Variants in GAS2 observed in about 807,000 individuals in gnomAD.
The protein encoded by GAS2 is growth arrest-specific protein 2.
In GAS2, 20 loss-of-function variants were observed where a neutral mutation model predicts 37.5. That is an observed-to-expected ratio of 0.53 (90% CI 0.37 to 0.77). GAS2 has a LOEUF of 0.77. GAS2 is among the 30% of genes least tolerant of loss of function. The pLI is 0.00. For missense variants in GAS2, 336 were observed against 373.4 expected, an observed-to-expected ratio of 0.90 and a Z score of 0.82; for synonymous variants, 144 against 132.2, an observed-to-expected ratio of 1.09 and a Z score of -0.61.
chr11:22,743,020 C>T (rs989937545), intron 5 of GAS2, among the ~76,000 whole-genome samples: 3 of 152,070 alleles, frequency 2.0e-5, no homozygotes, highest in Admixed American at 2.0e-4. Flanking sequence ...GACCATTAAA[C>T]ATAACCAAAT....
chr11:22,763,899 G>A (rs1311803459), intron 7 of GAS2, among the ~76,000 whole-genome samples: 3 of 152,074 alleles, frequency 2.0e-5, no homozygotes, highest in Non-Finnish European at 1.5e-5. Flanking sequence ...GGAAATGCAA[G>A]CAATAACATT....
chr11:22,805,115 A>C (rs1564896727), intron 7 of GAS2, among the ~76,000 whole-genome samples: 1 of 152,004 alleles, frequency 6.6e-6, no homozygotes, highest in African/African-American at 2.4e-5. Flanking sequence ...TAGATCGGTC[A>C]CATACCAGAA....
At chr11:22,756,566 T>A (rs1854054890) in intron 7 of GAS2, among the ~76,000 whole-genome samples, 1 of 152,108 alleles carries the variant, frequency 6.6e-6, no homozygotes, top group Admixed American at 6.6e-5. Flanking sequence ...TCTGTTGAAA[T>A]TTTGCCCTTG....
intron 3 of GAS2, among the ~76,000 whole-genome samples, chr11:22,702,970 A>G (rs1850922918): frequency 6.6e-6 from 1 of 152,154 alleles, no homozygotes; most frequent in South Asian, 2.1e-4. Context: ...ACCATAATAT[A>G]TTGTTTGGTA....
At chr11:22,796,080 C>T (rs1434762385) in intron 7 of GAS2, among the ~76,000 whole-genome samples, 1 of 152,146 alleles carries the variant, frequency 6.6e-6, no homozygotes, top group Non-Finnish European at 1.5e-5. Context: ...TTCTCTCCAT[C>T]CTCTGGCTGA....
intron 3 of GAS2, among the ~76,000 whole-genome samples, chr11:22,689,074 C>T (rs977328310): frequency 6.6e-6 from 1 of 152,080 alleles, no homozygotes; most frequent in Non-Finnish European, 1.5e-5. Context: ...GGGAGCTAAA[C>T]ACTGAGTACA....
intron 7 of GAS2, among the ~76,000 whole-genome samples, chr11:22,784,576 T>C (rs1855735810): frequency 6.6e-6 from 1 of 152,168 alleles, no homozygotes; most frequent in South Asian, 2.1e-4. Flanking sequence ...ATAATAGTCA[T>C]TGCTCACAAT....
At chr11:22,685,640 T>C (rs1445841854) in intron 2 of GAS2, 28 bp from the exon 3 acceptor site, 2 of 1,603,068 alleles carry the variant, frequency 1.2e-6, no homozygotes, top group Non-Finnish European at 1.7e-6. Flanking sequence ...TGATTTTCCT[T>C]TTATAATGCT....
At chr11:22,761,404 T>A (rs1854386099) in intron 7 of GAS2, among the ~76,000 whole-genome samples, 1 of 152,162 alleles carries the variant, frequency 6.6e-6, no homozygotes, top group South Asian at 2.1e-4. Flanking sequence ...GTTCTGATAA[T>A]AAAAATTTCT....
At position 22,684,560 on chromosome 11, in the gene GAS2, A is replaced by G. The variant is rs1251522434; in HGVS notation, c.146-1108A>G. Among the ~76,000 whole-genome samples, 3 of 152,202 alleles carry G rather than the reference A, an allele frequency of 2.0e-5. No homozygotes were observed. The East Asian group carries it at 5.8e-4, about 29-fold the overall frequency. ...TCTGAAACTTGGATTAATAGGAAAC[A>G]AAAAAAGGAAGGGGCTTTGAGAAAG... On this transcript the variant is annotated intron_variant, in intron 2 of 7. Coordinates refer to ENST00000454584, the MANE Select transcript of GAS2 (RefSeq NM_001143830.3).
At chr11:22,775,040 G>A (rs562857537) in intron 7 of GAS2, among the ~76,000 whole-genome samples, 1 of 152,224 alleles carries the variant, frequency 6.6e-6, no homozygotes, top group South Asian at 2.1e-4. Context: ...AAAAGGAGGA[G>A]TGGGCAACGA....
intron 7 of GAS2, among the ~76,000 whole-genome samples, chr11:22,763,147 C>T (rs762395176): frequency 2.0e-4 from 30 of 152,174 alleles, no homozygotes; most frequent in Non-Finnish European, 4.1e-4. Context: ...CTCCTTTGTA[C>T]TACTTTTAAA....
intron 7 of GAS2, among the ~76,000 whole-genome samples, chr11:22,782,030 C>T (rs1371572883): frequency 6.6e-6 from 1 of 152,086 alleles, no homozygotes; most frequent in Non-Finnish European, 1.5e-5. Context: ...AAAATGGGGA[C>T]CAAGTTATTT....
intron 1 of GAS2, among the ~76,000 whole-genome samples, chr11:22,671,723 A>G (rs1457278128): frequency 6.6e-6 from 1 of 152,150 alleles, no homozygotes; most frequent in African/African-American, 2.4e-5. Flanking sequence ...TTAAAAAGTT[A>G]CAAGGAGGGT....
In GAS2 at chr11:22,762,135, T is replaced by G. The variant is rs532883503; in HGVS notation, c.723+6182T>G. On this transcript the variant is annotated intron_variant, in intron 7 of 7. Coordinates refer to ENST00000454584, the MANE Select transcript of GAS2 (RefSeq NM_001143830.3). The stretch of plus-strand genomic sequence containing the variant: ...GTAACGTAGAATTTATATTGAAAGT[T>G]GTCCACATCTTGCCACAATTAAATC... Among the ~76,000 whole-genome samples, 25 of 152,284 alleles carry G rather than the reference T, an allele frequency of 1.6e-4. 1 individual carries two copies. The South Asian group carries it at 3.9e-3, about 24-fold the overall frequency.
chr11:22,716,807 A>G (rs1851703198), intron 3 of GAS2, among the ~76,000 whole-genome samples: 1 of 152,182 alleles, frequency 6.6e-6, no homozygotes, highest in Admixed American at 6.5e-5. Context: ...GTTTTAGCAT[A>G]CAAAATCAAG....
intron 3 of GAS2, among the ~76,000 whole-genome samples, chr11:22,698,040 C>CTTG (rs1353827640): frequency 6.6e-6 from 1 of 152,114 alleles, no homozygotes; most frequent in African/African-American, 2.4e-5. Flanking sequence ...AAAGGGAATG[C>CTTG]TTCCAGTTTT....
At chr11:22,722,051 A>T (rs550433626) in intron 3 of GAS2, among the ~76,000 whole-genome samples, 2 of 151,990 alleles carry the variant, frequency 1.3e-5, no homozygotes, top group Non-Finnish European at 2.9e-5. Context: ...TTTTAAGTAC[A>T]TTTCCTAATC....
chr11:22,705,202 C>T (rs796500200), intron 3 of GAS2, among the ~76,000 whole-genome samples: 11 of 152,188 alleles, frequency 7.2e-5, no homozygotes, highest in African/African-American at 1.9e-4. Context: ...TTCCCTTACC[C>T]GACTTTGTTG....
Sources: gnomAD v4.1 joint callset for allele counts (sites outside exome capture counted in the v4.1 genomes callset) on GRCh38, gnomAD v4.1.1 for gene constraint, MANE v1.5 for transcripts, NCBI Gene and HGNC (gene_info 2026-07-23, HGNC 2026-07-21) for gene names.